FAM135B: variants seen among roughly 807,000 people sequenced by gnomAD.
The protein encoded by FAM135B is protein FAM135B.
In FAM135B, 43 loss-of-function variants were observed where a neutral mutation model predicts 127.7. The ratio of observed to expected loss-of-function variants is 0.34; its 90% confidence interval spans 0.26 to 0.43. FAM135B has a LOEUF of 0.43. Ranked by LOEUF, FAM135B falls within the 20% of genes least tolerant of loss-of-function variation. The pLI is 1.00. For synonymous variants in FAM135B, 670 were observed against 665.1 expected (o/e 1.01, Z -0.11); for missense variants, 1,558 against 1,725.6 (o/e 0.90, Z 1.72).
intron 2 of FAM135B, among the ~76,000 whole-genome samples, chr8:138,348,593 A>T (rs950686751): frequency 6.6e-6 from 1 of 152,162 alleles, no homozygotes; most frequent in Non-Finnish European, 1.5e-5. Context: ...ATATTAACAC[A>T]TCTTCTTCTG....
At chr8:138,201,545 T>C (rs1302091211) in intron 7 of FAM135B, among the ~76,000 whole-genome samples, 1 of 152,192 alleles carries the variant, frequency 6.6e-6, no homozygotes, top group Non-Finnish European at 1.5e-5. Context: ...TGCGATATAC[T>C]GCAGAAAATC....
rs1268721681 is a variant in FAM135B, at chr8:138,265,721, T to G, written c.279A>C (p.Leu93Phe). The G allele has an allele frequency of 6.2e-7, 1 of 1,613,882 alleles. No individual in the cohort carries two copies. Among genetic ancestry groups the G allele is most frequent in the Non-Finnish European group, 8.5e-7 (1 of 1,179,974 alleles). Reference protein sequence around the residue: ...INDAVVFRVHLLLGGERMEDA... With the variant: ...INDAVVFRVHFLLGGERMEDA... ...GACTTACCCTTTCACCACCCAAGAG[T>G]AAATGAACTCGGAAGACCACAGCAT... Residue 93 changes from leucine (L) to phenylalanine (F), a missense_variant, in exon 4 of 20, where the codon TTA (leucine) becomes TTC (phenylalanine). Physicochemically the swap from Leu to Phe is conservative, Grantham distance 22 (BLOSUM62 0). Coordinates refer to ENST00000395297, the MANE Select transcript of FAM135B (RefSeq NM_015912.4).
At chr8:138,301,344 T>C (rs991413941) in intron 3 of FAM135B, among the ~76,000 whole-genome samples, 6 of 152,214 alleles carry the variant, frequency 3.9e-5, no homozygotes, top group African/African-American at 9.6e-5. Flanking sequence ...CCTCTTTTGG[T>C]TACTTTGTTT....
chr8:138,479,973 T>C (rs767598100), intron 1 of FAM135B, among the ~76,000 whole-genome samples: 2 of 152,086 alleles, frequency 1.3e-5, no homozygotes, highest in South Asian at 2.1e-4. Context: ...CAATTCCTCA[T>C]TGAGACAGTC....
At chr8:138,273,956 C>T (rs1348372824) in intron 3 of FAM135B, among the ~76,000 whole-genome samples, 1 of 152,132 alleles carries the variant, frequency 6.6e-6, no homozygotes, top group East Asian at 1.9e-4. Context: ...TAATGCCAGC[C>T]CTATCTCTCT....
intron 2 of FAM135B, among the ~76,000 whole-genome samples, chr8:138,321,535 G>A (rs947868719): frequency 1.3e-5 from 2 of 152,188 alleles, no homozygotes; most frequent in Non-Finnish European, 2.9e-5. Flanking sequence ...GATTAAGAGG[G>A]TAAGCTCTGA....
chr8:138,343,787 G>C (rs1180091319), intron 2 of FAM135B, among the ~76,000 whole-genome samples: 2 of 152,172 alleles, frequency 1.3e-5, no homozygotes, highest in Non-Finnish European at 2.9e-5. Flanking sequence ...CTCCCTGCCT[G>C]AGATAAAGAA....
At chr8:138,441,940 G>T (rs535138772) in intron 1 of FAM135B, among the ~76,000 whole-genome samples, 16 of 151,648 alleles carry the variant, frequency 1.1e-4, no homozygotes, top group Non-Finnish European at 2.4e-4. Context: ...AAGGAAGGAG[G>T]AAATAAGGGG....
chr8:138,223,530 AGAGGATCCTGAAG>A (rs1231685121), intron 7 of FAM135B, among the ~76,000 whole-genome samples: 1 of 152,204 alleles, frequency 6.6e-6, no homozygotes, highest in Non-Finnish European at 1.5e-5. Flanking sequence ...CCTAAGATAA[AGAGGATCCTGAAG>A]GGTATCCCAG....
intron 2 of FAM135B, among the ~76,000 whole-genome samples, chr8:138,317,704 G>A (rs563851172): frequency 1.3e-5 from 2 of 152,330 alleles, no homozygotes; most frequent in East Asian, 3.9e-4. Context: ...AACGCCTACA[G>A]GGGCCAGGCA....
rs1343717060 is a variant in FAM135B, at chr8:138,286,862, A to T, written c.158-21020T>A. Among the ~76,000 whole-genome samples, 4 of 152,358 alleles carry T rather than the reference A, an allele frequency of 2.6e-5. No homozygotes were observed. In the South Asian group the frequency reaches 6.2e-4, roughly 24 times the overall value. On this transcript the variant is annotated intron_variant, in intron 3 of 19. Transcript: ENST00000395297. ...GACAGTAGCCTGGGGCTATGGCTCAAGCACACCATGATATTGGAGCCAATG... is the reference window on the plus strand; with the variant it reads ...GACAGTAGCCTGGGGCTATGGCTCATGCACACCATGATATTGGAGCCAATG...
intron 7 of FAM135B, among the ~76,000 whole-genome samples, chr8:138,215,119 A>G (rs1818447806): frequency 6.6e-6 from 1 of 152,212 alleles, no homozygotes; most frequent in South Asian, 2.1e-4. Context: ...ACATGATTAA[A>G]TATCTAGACA....
At chr8:138,371,160 T>C (rs1249686041) in intron 1 of FAM135B, among the ~76,000 whole-genome samples, 1 of 152,214 alleles carries the variant, frequency 6.6e-6, no homozygotes, top group Non-Finnish European at 1.5e-5. Context: ...ATCCATTCCT[T>C]AACTTCTCTG....
intron 1 of FAM135B, among the ~76,000 whole-genome samples, chr8:138,423,165 AC>A (rs1388967698): frequency 6.6e-6 from 1 of 152,212 alleles, no homozygotes; most frequent in Non-Finnish European, 1.5e-5. Flanking sequence ...CCTTTTGAGT[AC>A]TATGCTCAGT....
At chr8:138,156,877 G>A (rs1024545288) in intron 12 of FAM135B, among the ~76,000 whole-genome samples, 1 of 152,148 alleles carries the variant, frequency 6.6e-6, no homozygotes, top group African/African-American at 2.4e-5. Context: ...ACAAGGAGGA[G>A]CTGGTACCAT....
At chr8:138,293,890 G>A (rs1282827990) in intron 3 of FAM135B, among the ~76,000 whole-genome samples, 1 of 152,036 alleles carries the variant, frequency 6.6e-6, no homozygotes, top group Non-Finnish European at 1.5e-5. Context: ...CAATCCCAGT[G>A]GTGGGTATCC....
At chr8:138,276,572 T>A (rs1823842171) in intron 3 of FAM135B, among the ~76,000 whole-genome samples, 1 of 152,022 alleles carries the variant, frequency 6.6e-6, no homozygotes, top group East Asian at 2.0e-4. Context: ...GCCCAGCCAG[T>A]CCAGAAACAG....
At chr8:138,179,545 T>C (rs1213422827) in intron 9 of FAM135B, among the ~76,000 whole-genome samples, 2 of 152,174 alleles carry the variant, frequency 1.3e-5, no homozygotes, top group Non-Finnish European at 1.5e-5. Context: ...CACATCACCA[T>C]GTCACCTTCG....
chr8:138,277,368 C>A (rs1823908770), intron 3 of FAM135B, among the ~76,000 whole-genome samples: 1 of 152,212 alleles, frequency 6.6e-6, no homozygotes, highest in Admixed American at 6.5e-5. Context: ...CCTTGATACC[C>A]ATGCACTCTT....
Sources: allele counts gnomAD v4.1 joint callset (sites outside exome capture counted in the v4.1 genomes callset), GRCh38; gene constraint gnomAD v4.1.1; transcripts MANE v1.5; gene names NCBI Gene and HGNC (gene_info 2026-07-23, HGNC 2026-07-21).